SORCS3: variants seen among roughly 807,000 people sequenced by gnomAD.
SORCS3 encodes the protein VPS10 domain-containing receptor SorCS3.
In SORCS3, 57 loss-of-function variants were observed where a neutral mutation model predicts 146.3. The ratio of observed to expected loss-of-function variants is 0.39; its 90% CI spans 0.31 to 0.49. The LOEUF is 0.49. Among genes scored for constraint, SORCS3 ranks in the 20% least tolerant of loss-of-function variants. The pLI, the probability that SORCS3 is intolerant of heterozygous loss-of-function variation, is 0.92. For synonymous variants in SORCS3, 653 were observed against 618.5 expected (o/e 1.06, Z -0.83); for missense variants, 1,341 against 1,575.5 (o/e 0.85, Z 2.52).
At chr10:104,927,546 T>G (rs79069783) in intron 3 of SORCS3, among the ~76,000 whole-genome samples, 4,632 of 152,124 alleles carry the variant, frequency 0.03, 119 homozygotes, top group Non-Finnish European at 0.042. Flanking sequence ...GAAGGACCAG[T>G]GGAGATCATG....
At chr10:104,880,710 A>G (rs1370069236) in intron 2 of SORCS3, among the ~76,000 whole-genome samples, 2 of 152,146 alleles carry the variant, frequency 1.3e-5, no homozygotes, top group Non-Finnish European at 2.9e-5. Context: ...TACATTATCC[A>G]GCCCTCTATT....
chr10:104,677,503 T>C (rs532119854), intron 1 of SORCS3, among the ~76,000 whole-genome samples: 14 of 152,354 alleles, frequency 9.2e-5, no homozygotes, highest in African/African-American at 3.4e-4. Context: ...TTAGCCAGCC[T>C]GTCGCAGCCT....
At chr10:104,789,783 C>G (rs576303889) in intron 1 of SORCS3, among the ~76,000 whole-genome samples, 1 of 152,316 alleles carries the variant, frequency 6.6e-6, no homozygotes, top group East Asian at 1.9e-4. Context: ...TCTGTCTGTC[C>G]TACTTCCAAA....
intron 14 of SORCS3, among the ~76,000 whole-genome samples, chr10:105,184,433 A>G (rs960702694): frequency 1.3e-5 from 2 of 152,228 alleles, no homozygotes; most frequent in Non-Finnish European, 2.9e-5. Context: ...AGAGCTGGCC[A>G]GACATGGCCC....
intron 1 of SORCS3, among the ~76,000 whole-genome samples, chr10:104,789,138 G>T (rs2017468924): frequency 6.6e-6 from 1 of 152,052 alleles, no homozygotes; most frequent in African/African-American, 2.4e-5. Context: ...TGACTAGTGT[G>T]GTGTGTCCCT....
intron 3 of SORCS3, among the ~76,000 whole-genome samples, chr10:104,964,966 T>C (rs1434988119): frequency 6.6e-6 from 1 of 152,228 alleles, no homozygotes; most frequent in Non-Finnish European, 1.5e-5. Context: ...AATCATATAG[T>C]ATTTTTTTCT....
intron 8 of SORCS3, among the ~76,000 whole-genome samples, chr10:105,145,403 A>G (rs2056123824): frequency 6.6e-6 from 1 of 152,114 alleles, no homozygotes; most frequent in South Asian, 2.1e-4. Context: ...CCGGGAAAGC[A>G]TTAACCTAAT....
chr10:104,935,055 A>T (rs74155067), intron 3 of SORCS3, among the ~76,000 whole-genome samples: 2,538 of 152,284 alleles, frequency 0.017, 63 homozygotes, highest in African/African-American at 0.057. Flanking sequence ...AGCAATAGTA[A>T]ATAATAGCCC....
At chr10:104,913,729 C>T (rs1019899206) in intron 2 of SORCS3, among the ~76,000 whole-genome samples, 24 of 150,806 alleles carry the variant, frequency 1.6e-4, no homozygotes, top group African/African-American at 5.1e-4. Context: ...ATTTTTGTAA[C>T]CTCACAAATG....
intron 4 of SORCS3, among the ~76,000 whole-genome samples, chr10:105,032,443 T>C (rs2055275207): frequency 6.6e-6 from 1 of 152,190 alleles, no homozygotes; most frequent in South Asian, 2.1e-4. Flanking sequence ...TGAGTTTCTT[T>C]CCTTTTTTAC....
rs768160066 is a variant in SORCS3, at chr10:105,203,355, C to T, written c.2261+2102C>T. Among the ~76,000 whole-genome samples the T allele has an allele frequency of 5.3e-5, 8 of 152,288 alleles. 1 individual carries two copies. Among genetic ancestry groups the T allele is most frequent in the South Asian group, 2.1e-4 (1 of 4,824 alleles). On this transcript the variant is annotated intron_variant, in intron 16 of 26. Transcript: ENST00000369701. Reference sequence around the variant, plus strand: ...CACAATTAAGCAAAAATAGTCACAGCAATGAGTGCAGTAGGCCACTCAAAA... The same window carrying T: ...CACAATTAAGCAAAAATAGTCACAGTAATGAGTGCAGTAGGCCACTCAAAA...
intron 2 of SORCS3, among the ~76,000 whole-genome samples, chr10:104,848,256 C>G (rs554331169): frequency 6.6e-6 from 1 of 152,202 alleles, no homozygotes; most frequent in South Asian, 2.1e-4. Context: ...TCATCTGGTT[C>G]ACAAGCTGTT....
intron 24 of SORCS3, 89 bp from the exon 25 acceptor site, chr10:105,256,729 TG>T: frequency 1.1e-6 from 1 of 915,866 alleles, no homozygotes; most frequent in Non-Finnish European, 1.7e-6. Flanking sequence ...TGGAGATCAG[TG>T]GCCTCCTTCC....
intron 1 of SORCS3, among the ~76,000 whole-genome samples, chr10:104,778,809 T>A (rs2017341175): frequency 6.6e-6 from 1 of 152,192 alleles, no homozygotes; most frequent in Admixed American, 6.5e-5. Context: ...TCTCCAGGCA[T>A]TACTGGCCTT....
At chr10:104,671,085 C>G (rs2015845450) in intron 1 of SORCS3, among the ~76,000 whole-genome samples, 1 of 150,712 alleles carries the variant, frequency 6.6e-6, no homozygotes, top group African/African-American at 2.4e-5. Context: ...ATCATATCGT[C>G]TGTAAACAGA....
intron 23 of SORCS3, 146 bp from the exon 24 acceptor site, chr10:105,255,556 C>T: frequency 1.6e-6 from 1 of 611,380 alleles, no homozygotes; most frequent in Non-Finnish European, 2.9e-6. Context: ...GCTGTGAGAA[C>T]CAAATCGATA....
rs114552946 is a variant in SORCS3 at position 104,881,754 on chromosome 10, C to T, written c.696-34079C>T. Among the ~76,000 whole-genome samples, 909 of 152,178 alleles carry T rather than the reference C, an allele frequency of 6.0e-3. 13 individuals are homozygous for T. Among genetic ancestry groups the T allele is most frequent in the African/African-American group, 0.021 (875 of 41,520 alleles). ...AACTTGCGTCAAAAACCAAGCAAAGCAAAAAGACTATGAAATGAGGTGTAA... is the reference window on the plus strand; with the variant it reads ...AACTTGCGTCAAAAACCAAGCAAAGTAAAAAGACTATGAAATGAGGTGTAA... On this transcript the variant is annotated intron_variant, in intron 2 of 26. Coordinates refer to ENST00000369701, the MANE Select transcript of SORCS3 (RefSeq NM_014978.3).
intron 20 of SORCS3, among the ~76,000 whole-genome samples, chr10:105,233,279 T>A (rs1353254542): frequency 6.6e-6 from 1 of 152,188 alleles, no homozygotes; most frequent in Non-Finnish European, 1.5e-5. Flanking sequence ...CTCACTGTTG[T>A]CACTCATTTC....
intron 5 of SORCS3, among the ~76,000 whole-genome samples, chr10:105,045,077 G>T (rs1450238799): frequency 2.0e-5 from 3 of 150,554 alleles, no homozygotes; most frequent in Non-Finnish European, 4.4e-5. Context: ...AGAGCCCTCT[G>T]CTGTTTCTGG....
Sources: gnomAD v4.1 joint callset for allele counts (sites outside exome capture counted in the v4.1 genomes callset) on GRCh38, gnomAD v4.1.1 for gene constraint, MANE v1.5 for transcripts, NCBI Gene and HGNC (gene_info 2026-07-23, HGNC 2026-07-21) for gene names.